The following ACOXL variants were observed in gnomAD, a reference collection of about 807,000 sequenced individuals.
ACOXL encodes acyl-CoA oxidase like.
In ACOXL, 70 loss-of-function variants were observed where a neutral mutation model predicts 71.9. That is an observed-to-expected ratio of 0.97 (90% CI 0.80 to 1.19). ACOXL has a LOEUF of 1.19. Among genes scored for constraint, ACOXL ranks in the 50% most tolerant of loss-of-function variants. The pLI, the probability that ACOXL is intolerant of heterozygous loss-of-function variation, is 0.00. For missense variants in ACOXL, 703 were observed against 736.3 expected, an observed-to-expected ratio of 0.95 and a Z score of 0.52; for synonymous variants, 253 against 281.6, an observed-to-expected ratio of 0.90 and a Z score of 1.02.
intron 14 of ACOXL, among the ~76,000 whole-genome samples, chr2:111,012,476 C>T (rs2064216086): frequency 6.6e-6 from 1 of 152,154 alleles, no homozygotes; most frequent in Non-Finnish European, 1.5e-5. Context: ...GTGAATAACA[C>T]TGTCATCTAA....
At chr2:110,898,543 A>G (rs1558693509) in intron 10 of ACOXL, among the ~76,000 whole-genome samples, 1 of 152,234 alleles carries the variant, frequency 6.6e-6, no homozygotes, top group Non-Finnish European at 1.5e-5. Context: ...TTCAGTATAC[A>G]TTCATGTGAA....
At chr2:110,946,099 G>A (rs2061097261) in intron 12 of ACOXL, among the ~76,000 whole-genome samples, 2 of 152,132 alleles carry the variant, frequency 1.3e-5, no homozygotes, top group African/African-American at 4.8e-5. Context: ...GTGGCATCAC[G>A]TTTTGTGGCA....
intron 11 of ACOXL, among the ~76,000 whole-genome samples, chr2:110,921,521 G>A (rs2060075807): frequency 6.7e-6 from 1 of 150,318 alleles, no homozygotes; most frequent in Admixed American, 6.7e-5. Context: ...AGCCTCCCAA[G>A]TAGCTGGGAC....
chr2:110,972,331 G>T lies in ACOXL; in HGVS notation c.1060-14777G>T, dbSNP rs186402610. ...CAGTTTTACAGTCTGCTAAGAAAGA[G>T]ATCACCACAGACCTTAAGTCCAGAC... is the stretch of plus-strand genomic sequence containing the variant. On this transcript the variant is annotated intron_variant, in intron 12 of 17. Transcript: ENST00000439055. Among the ~76,000 whole-genome samples the T allele has an allele frequency of 6.1e-3, 935 of 152,280 alleles. 5 individuals carry two copies. Among genetic ancestry groups the T allele is most frequent in the Middle Eastern group, 0.01 (3 of 294 alleles).
At chr2:110,919,584 GT>G (rs1319620152) in intron 11 of ACOXL, among the ~76,000 whole-genome samples, 2 of 151,946 alleles carry the variant, frequency 1.3e-5, no homozygotes, top group South Asian at 2.1e-4. Flanking sequence ...CACACTTTGT[GT>G]TGTATGGTTC....
intron 17 of ACOXL, among the ~76,000 whole-genome samples, chr2:111,104,416 T>A (rs2165108): frequency 0.08 from 12,104 of 152,164 alleles, 758 homozygotes; most frequent in East Asian, 0.26. Context: ...ATTACCAAAC[T>A]TTTTTTTAGA....
rs1574429426 is a variant in ACOXL, at chr2:110,996,949, A to G, written c.1281+945A>G. 2.6e-5 allele frequency among the ~76,000 whole-genome samples: 4 copies of G among 152,320 alleles called. No homozygotes were observed. In the South Asian group the frequency reaches 8.3e-4, roughly 32 times the overall value. On this transcript the variant is annotated intron_variant, in intron 14 of 17. Transcript: ENST00000439055. ...CAGGAAGCCAGGCTAGGAATTGTGT[A>G]AATCAATTTTTCCCCCAGGCGTAGA...
chr2:110,949,105 G>C (rs552659352), intron 12 of ACOXL, among the ~76,000 whole-genome samples: 1 of 152,286 alleles, frequency 6.6e-6, no homozygotes, highest in East Asian at 1.9e-4. Flanking sequence ...AGTCCAGCTG[G>C]CTGGGATTGC....
intron 12 of ACOXL, among the ~76,000 whole-genome samples, chr2:110,935,141 G>A (rs1030605164): frequency 6.6e-6 from 1 of 152,098 alleles, no homozygotes; most frequent in Non-Finnish European, 1.5e-5. Flanking sequence ...CCTCAGGCAG[G>A]GACAGCCCAC....
intron 9 of ACOXL, among the ~76,000 whole-genome samples, chr2:110,840,024 C>G (rs1405684120): frequency 3.5e-5 from 3 of 85,702 alleles, no homozygotes; most frequent in Non-Finnish European, 8.0e-5. Context: ...GAGTCTCACT[C>G]TGTCACCCAG....
chr2:111,058,924 T>G (rs1403860688), intron 16 of ACOXL, among the ~76,000 whole-genome samples: 1 of 152,220 alleles, frequency 6.6e-6, no homozygotes, highest in Non-Finnish European at 1.5e-5. Context: ...TCTTTCCACC[T>G]TTATCTCTTC....
Position 110,863,592 on chromosome 2 carries a change from C to T in ACOXL, c.788+22187C>T, listed in dbSNP as rs1171158364. ...CTGAAGGTTATGTGATTTCCCTGAG[C>T]ACCCCCCCCAACTGGTTGGTAACAG... On this transcript the variant is annotated intron_variant, in intron 10 of 17. Transcript: ENST00000439055. Among the ~76,000 whole-genome samples the T allele has an allele frequency of 3.9e-5, 6 of 152,172 alleles. No homozygotes were observed. In the South Asian group the frequency reaches 1.0e-3, roughly 26 times the overall value.
intron 11 of ACOXL, among the ~76,000 whole-genome samples, chr2:110,922,808 TAAAA>T (rs1356946158): frequency 6.6e-6 from 1 of 152,176 alleles, no homozygotes; most frequent in Non-Finnish European, 1.5e-5. Context: ...CAGTAATTGA[TAAAA>T]GAAAGAACCC....
chr2:110,975,571 A>G (rs1000620532), intron 12 of ACOXL, among the ~76,000 whole-genome samples: 2 of 152,176 alleles, frequency 1.3e-5, no homozygotes, highest in Non-Finnish European at 1.5e-5. Flanking sequence ...AAAATGAGCA[A>G]TGACTTCATA....
intron 11 of ACOXL, among the ~76,000 whole-genome samples, chr2:110,930,888 C>T (rs1574168149): frequency 6.6e-6 from 1 of 152,166 alleles, no homozygotes; most frequent in African/African-American, 2.4e-5. Flanking sequence ...TCCATTAAAC[C>T]TTTTTGCTTT....
At chr2:110,911,212 G>C (rs1237213700) in intron 11 of ACOXL, among the ~76,000 whole-genome samples, 1 of 151,964 alleles carries the variant, frequency 6.6e-6, no homozygotes, top group African/African-American at 2.4e-5. Flanking sequence ...ACCAATCACA[G>C]GATATTAGGT....
At chr2:110,946,541 A>G (rs1203767684) in intron 12 of ACOXL, among the ~76,000 whole-genome samples, 1 of 152,210 alleles carries the variant, frequency 6.6e-6, no homozygotes, top group East Asian at 1.9e-4. Flanking sequence ...GACTATGTCC[A>G]AACTCATGCT....
intron 17 of ACOXL, chr2:111,100,849 G>T (rs2069104807): frequency 6.5e-6 from 1 of 152,690 alleles, no homozygotes; most frequent in South Asian, 2.1e-4. Flanking sequence ...GAGCCCAGCT[G>T]CAATAAGGAG....
intron 16 of ACOXL, among the ~76,000 whole-genome samples, chr2:111,058,848 G>T (rs2066669026): frequency 6.6e-6 from 1 of 151,704 alleles, no homozygotes; most frequent in Non-Finnish European, 1.5e-5. Flanking sequence ...CACCATGAAG[G>T]CCCCAGTCAA....
Sources: allele counts gnomAD v4.1 joint callset (sites outside exome capture counted in the v4.1 genomes callset), GRCh38; gene constraint gnomAD v4.1.1; transcripts MANE v1.5; gene names NCBI Gene and HGNC (gene_info 2026-07-23, HGNC 2026-07-21).